Variants in AGBL4 observed in about 807,000 individuals in gnomAD.
AGBL4 encodes the protein cytosolic carboxypeptidase 6.
AGBL4 carries 58 observed loss-of-function variants against 66.4 expected under a neutral mutation model. That is an observed-to-expected ratio of 0.87 (90% confidence interval 0.71 to 1.09). The LOEUF is 1.09. Ranked by LOEUF, AGBL4 falls within the 50% of genes least tolerant of loss-of-function variation. AGBL4 has a pLI of 0.00. For missense variants in AGBL4, 579 were observed against 631.0 expected, an observed-to-expected ratio of 0.92 and a Z score of 0.88; for synonymous variants, 234 against 222.9, an observed-to-expected ratio of 1.05 and a Z score of -0.44.
chr1:50,023,637 T>C, intron 1 of AGBL4, 126 bp downstream of exon 1: 1 of 1,216,092 alleles, frequency 8.2e-7, no homozygotes, highest in Non-Finnish European at 1.1e-6. Context: ...CCTGAAGTCA[T>C]AACCCACCGC....
rs140638170 is a variant in AGBL4, at chr1:48,687,458, C to A, written c.635-24217G>T. 3.1e-3 allele frequency among the ~76,000 whole-genome samples: 474 copies of A among 152,298 alleles called. 1 individual carries two copies. The highest frequency in any genetic ancestry group is 5.2e-3 in the Non-Finnish European group (351 of 68,014). ...GCTGCGGCACCCCCACAGGCTGACG[C>A]AGGGAGGCCCTGTGCTCACACTTTC... On this transcript the variant is annotated intron_variant, in intron 6 of 13. Coordinates refer to ENST00000371839, the MANE Select transcript of AGBL4 (RefSeq NM_032785.4).
intron 1 of AGBL4, among the ~76,000 whole-genome samples, chr1:49,965,298 T>C (rs1381613897): frequency 1.3e-5 from 2 of 152,188 alleles, no homozygotes; most frequent in Non-Finnish European, 2.9e-5. Context: ...TGCTTTATCT[T>C]GCTTATCCTC....
chr1:49,906,158 A>G (rs1030837368), intron 1 of AGBL4, among the ~76,000 whole-genome samples: 2 of 148,790 alleles, frequency 1.3e-5, no homozygotes, highest in Admixed American at 6.7e-5. Context: ...GTGTAACTTG[A>G]TCCTTATCCA....
intron 5 of AGBL4, among the ~76,000 whole-genome samples, chr1:49,033,821 TC>T (rs1033096021): frequency 1.3e-5 from 2 of 151,554 alleles, no homozygotes; most frequent in African/African-American, 4.8e-5. Context: ...TTTTTCCTTT[TC>T]TTTTTTTTTT....
At chr1:48,574,368 T>G (rs1644615191) in intron 11 of AGBL4, among the ~76,000 whole-genome samples, 1 of 152,094 alleles carries the variant, frequency 6.6e-6, no homozygotes, top group Non-Finnish European at 1.5e-5. Flanking sequence ...ATAGAGATAA[T>G]AATACTCATC....
chr1:49,402,748 G>C (rs952594297), intron 3 of AGBL4, among the ~76,000 whole-genome samples: 7 of 152,040 alleles, frequency 4.6e-5, no homozygotes, highest in African/African-American at 1.2e-4. Flanking sequence ...TGTATTTTTA[G>C]TAGAGACAGA....
intron 7 of AGBL4, among the ~76,000 whole-genome samples, chr1:48,656,846 C>G (rs1368315953): frequency 9.9e-5 from 15 of 152,146 alleles, no homozygotes. Context: ...GAGGCAAGGG[C>G]TGAAAAGCTA....
chr1:49,868,130 C>A (rs1646751183), intron 1 of AGBL4, among the ~76,000 whole-genome samples: 1 of 151,836 alleles, frequency 6.6e-6, no homozygotes, highest in Non-Finnish European at 1.5e-5. Context: ...AGAGGGGATA[C>A]AAAAAAATGG....
intron 3 of AGBL4, among the ~76,000 whole-genome samples, chr1:49,364,074 C>T (rs1644194791): frequency 6.6e-6 from 1 of 152,142 alleles, no homozygotes; most frequent in South Asian, 2.1e-4. Flanking sequence ...GAAGAAATTA[C>T]TGTAGGCAGA....
intron 3 of AGBL4, among the ~76,000 whole-genome samples, chr1:49,421,328 T>G (rs895728347): frequency 1.3e-5 from 2 of 151,200 alleles, no homozygotes; most frequent in African/African-American, 4.9e-5. Context: ...ATGACTCTGT[T>G]GTCTTCAAAG....
chr1:49,250,186 T>A (rs1302446921), intron 3 of AGBL4, among the ~76,000 whole-genome samples: 1 of 152,198 alleles, frequency 6.6e-6, no homozygotes, highest in Non-Finnish European at 1.5e-5. Context: ...AATGACAATT[T>A]ATTATATATT....
chr1:49,413,259 T>G (rs1294412023), intron 3 of AGBL4, among the ~76,000 whole-genome samples: 1 of 152,158 alleles, frequency 6.6e-6, no homozygotes, highest in East Asian at 1.9e-4. Context: ...ATTCAACATT[T>G]ATTTAACAAA....
At position 49,207,111 on chromosome 1, in the gene AGBL4, T is replaced by A. The variant is rs948088785; in HGVS notation, c.377+38659A>T. Among the ~76,000 whole-genome samples, 10 of 152,044 alleles carry A rather than the reference T, an allele frequency of 6.6e-5. No homozygotes were observed. The South Asian group carries it at 1.2e-3, about 19-fold the overall frequency. On this transcript the variant is annotated intron_variant, in intron 4 of 13. Transcript: ENST00000371839. ...ATGTGATTAGGGCAAATAGCTTTTTTAAAAAAAGACTATTTAGAAATGGTC... is the reference window on the plus strand; with the variant it reads ...ATGTGATTAGGGCAAATAGCTTTTTAAAAAAAAGACTATTTAGAAATGGTC...
At chr1:49,734,301 C>CAG (rs892174380) in intron 2 of AGBL4, among the ~76,000 whole-genome samples, 1 of 149,634 alleles carries the variant, frequency 6.7e-6, no homozygotes, top group Non-Finnish European at 1.5e-5. Flanking sequence ...GAGAGAGAGA[C>CAG]AGAGAGACAG....
chr1:49,856,409 T>C (rs549548700), intron 1 of AGBL4, among the ~76,000 whole-genome samples: 3 of 152,082 alleles, frequency 2.0e-5, no homozygotes, highest in Non-Finnish European at 4.4e-5. Flanking sequence ...TTGATACCAA[T>C]ACCAGAGAAG....
chr1:49,171,488 C>G (rs941686693), intron 4 of AGBL4, among the ~76,000 whole-genome samples: 2 of 149,642 alleles, frequency 1.3e-5, no homozygotes, highest in Non-Finnish European at 3.0e-5. Flanking sequence ...TTTAAAAAGA[C>G]TTTTTTTTTT....
chr1:49,772,800 G>A (rs1299278869), intron 2 of AGBL4, among the ~76,000 whole-genome samples: 1 of 152,134 alleles, frequency 6.6e-6, no homozygotes, highest in Non-Finnish European at 1.5e-5. Flanking sequence ...TAGACATTAT[G>A]ATTAAAATGT....
At chr1:49,772,925 G>A (rs1417610233) in intron 2 of AGBL4, among the ~76,000 whole-genome samples, 1 of 152,034 alleles carries the variant, frequency 6.6e-6, no homozygotes, top group African/African-American at 2.4e-5. Flanking sequence ...TTGTTAAATA[G>A]GTCTTCTGTA....
At chr1:49,052,174 T>C (rs1407342622) in intron 4 of AGBL4, among the ~76,000 whole-genome samples, 1 of 151,434 alleles carries the variant, frequency 6.6e-6, no homozygotes, top group East Asian at 1.9e-4. Context: ...ATTAAAAAAA[T>C]TAAAAATAAA....
Sources: allele counts gnomAD v4.1 joint callset (sites outside exome capture counted in the v4.1 genomes callset), GRCh38; gene constraint gnomAD v4.1.1; transcripts MANE v1.5; gene names NCBI Gene and HGNC (gene_info 2026-07-23, HGNC 2026-07-21).